RBFOX1: variants seen among roughly 807,000 people sequenced by gnomAD.
RBFOX1 encodes RNA binding protein fox-1 homolog 1.
In RBFOX1, 8 loss-of-function variants were observed where a neutral mutation model predicts 57.7. That is an observed-to-expected ratio of 0.14 (90% confidence interval 0.08 to 0.25). The LOEUF is 0.25. RBFOX1 is among the 10% of genes least tolerant of loss of function. The pLI, the probability that RBFOX1 is intolerant of heterozygous loss-of-function variation, is 1.00. For synonymous variants in RBFOX1, 326 were observed against 222.4 expected, an observed-to-expected ratio of 1.47 and a Z score of -4.15; for missense variants, 611 against 548.5, an observed-to-expected ratio of 1.11 and a Z score of -1.14.
intron 1 of RBFOX1, among the ~76,000 whole-genome samples, chr16:6,157,946 T>G (rs2096850106): frequency 6.6e-6 from 1 of 152,174 alleles, no homozygotes; most frequent in South Asian, 2.1e-4. Flanking sequence ...CATATGTTGA[T>G]TCCTAAACTA....
chr16:7,071,934 A>G (rs976699771), intron 4 of RBFOX1, among the ~76,000 whole-genome samples: 7 of 152,078 alleles, frequency 4.6e-5, no homozygotes, highest in Non-Finnish European at 1.0e-4. Context: ...CATCTTTTTC[A>G]GCTCTACCTT....
At chr16:7,230,052 A>AAGGGAGGGAGGGG in intron 4 of RBFOX1, among the ~76,000 whole-genome samples, 4 of 63,438 alleles carry the variant, frequency 6.3e-5, no homozygotes, top group South Asian at 9.0e-4. Flanking sequence ...GAGAGGAAGG[A>AAGGGAGGGAGGGG]AAGGAGAGAG....
intron 4 of RBFOX1, among the ~76,000 whole-genome samples, chr16:7,489,483 A>C (rs1310159557): frequency 6.6e-6 from 1 of 150,896 alleles, no homozygotes; most frequent in African/African-American, 2.4e-5. Context: ...GAGATTAAAA[A>C]ACTGAGGCTT....
At chr16:7,450,392 CAAAAAA>C (rs57188328) in intron 4 of RBFOX1, among the ~76,000 whole-genome samples, 1 of 69,578 alleles carries the variant, frequency 1.4e-5, no homozygotes, top group Non-Finnish European at 2.5e-5. Context: ...GACTCTGTCT[CAAAAAA>C]AAAAAAAAAA....
intron 3 of RBFOX1, among the ~76,000 whole-genome samples, chr16:5,840,431 G>C (rs1174345057): frequency 2.0e-5 from 3 of 152,194 alleles, no homozygotes; most frequent in African/African-American, 7.2e-5. Context: ...AGAGGATGCT[G>C]TGCTCTGCGG....
chr16:7,498,880 A>C (rs953406080), intron 4 of RBFOX1, among the ~76,000 whole-genome samples: 1 of 152,160 alleles, frequency 6.6e-6, no homozygotes, highest in African/African-American at 2.4e-5. Context: ...ATGCGCCCCA[A>C]CTTTCTCCTC....
intron 3 of RBFOX1, among the ~76,000 whole-genome samples, chr16:6,976,021 A>T (rs1266650480): frequency 6.6e-6 from 1 of 152,072 alleles, no homozygotes; most frequent in Non-Finnish European, 1.5e-5. Flanking sequence ...CAGCTATTTG[A>T]GAGGCTGAGG....
At chr16:7,270,323 A>T (rs1381452942) in intron 4 of RBFOX1, among the ~76,000 whole-genome samples, 1 of 152,196 alleles carries the variant, frequency 6.6e-6, no homozygotes, top group African/African-American at 2.4e-5. Context: ...TTTTATGAAA[A>T]ACCAAACAGA....
intron 4 of RBFOX1, among the ~76,000 whole-genome samples, chr16:7,088,693 A>C (rs572170344): frequency 5.1e-4 from 78 of 152,320 alleles, no homozygotes; most frequent in African/African-American, 1.8e-3. Context: ...TTTGGGAGAC[A>C]AATATATATC....
chr16:5,527,879 T>A (rs2044306060), intron 2 of RBFOX1, among the ~76,000 whole-genome samples: 1 of 152,176 alleles, frequency 6.6e-6, no homozygotes. Context: ...ATATTAGATA[T>A]CGGTTTAATT....
chr16:7,623,869 G>A (rs1005186927), intron 10 of RBFOX1, among the ~76,000 whole-genome samples: 3 of 152,088 alleles, frequency 2.0e-5, no homozygotes, highest in Non-Finnish European at 4.4e-5. Context: ...TGTAAGATCT[G>A]TCAGATTAAG....
At chr16:6,928,407 G>T (rs75651378) in intron 3 of RBFOX1, among the ~76,000 whole-genome samples, 5 of 152,252 alleles carry the variant, frequency 3.3e-5, no homozygotes, top group African/African-American at 9.6e-5. Flanking sequence ...AGCAGAGGTT[G>T]TTGTAGGATA....
rs545200913 is a variant in RBFOX1 at position 6,987,588 on chromosome 16, C to G, written c.-15-64469C>G. Among the ~76,000 whole-genome samples the G allele has an allele frequency of 3.3e-5, 5 of 152,130 alleles. No individual in the cohort carries two copies. In the East Asian group the frequency reaches 5.8e-4, roughly 18 times the overall value. ...GCATAGGTGGGCACAGGTGCACAAA[C>G]TTACCTGCAATCTCATTCATAAATG... On this transcript the variant is annotated intron_variant, in intron 3 of 15. Transcript: ENST00000550418.
At chr16:6,664,646 C>T (rs1482638631) in intron 3 of RBFOX1, among the ~76,000 whole-genome samples, 1 of 152,158 alleles carries the variant, frequency 6.6e-6, no homozygotes, top group Non-Finnish European at 1.5e-5. Context: ...GGGGACCAGG[C>T]AATAGCAGAG....
intron 3 of RBFOX1, among the ~76,000 whole-genome samples, chr16:5,655,101 G>A (rs1408593326): frequency 1.3e-5 from 2 of 152,158 alleles, no homozygotes; most frequent in Non-Finnish European, 2.9e-5. Flanking sequence ...CTAAGAGCAG[G>A]GCTGACAGAT....
intron 4 of RBFOX1, among the ~76,000 whole-genome samples, chr16:7,450,359 A>T (rs961799403): frequency 3.7e-4 from 48 of 128,050 alleles, no homozygotes; most frequent in African/African-American, 1.3e-3. Flanking sequence ...GCGCCATTGC[A>T]CTCCAGCCTG....
intron 4 of RBFOX1, among the ~76,000 whole-genome samples, chr16:7,272,741 G>A (rs1266797514): frequency 1.3e-5 from 2 of 152,068 alleles, no homozygotes; most frequent in Non-Finnish European, 2.9e-5. Flanking sequence ...GAGAGCTCCT[G>A]AAGCTCCTGA....
At chr16:5,675,128 A>G (rs1009340525) in intron 3 of RBFOX1, among the ~76,000 whole-genome samples, 2 of 152,138 alleles carry the variant, frequency 1.3e-5, no homozygotes, top group Non-Finnish European at 2.9e-5. Context: ...AGCCTGGGCA[A>G]AAGATAGAGA....
In RBFOX1 at chr16:7,455,837, A is replaced by G. The variant is rs192580696; in HGVS notation, c.28-62310A>G. ...AAAAAAAAAACTGATTCACATTTCA[A>G]TCAATGATAGTCACTGACATTGAAA... On this transcript the variant is annotated intron_variant, in intron 4 of 15. Transcript: ENST00000550418. Among the ~76,000 whole-genome samples, 590 of 152,184 alleles carry G rather than the reference A, an allele frequency of 3.9e-3. 23 individuals are homozygous for G. Among genetic ancestry groups the G allele is most frequent in the Admixed American group, 0.036 (551 of 15,276 alleles).
Sources: gnomAD v4.1 joint callset for allele counts (sites outside exome capture counted in the v4.1 genomes callset) on GRCh38, gnomAD v4.1.1 for gene constraint, MANE v1.5 for transcripts, NCBI Gene and HGNC (gene_info 2026-07-23, HGNC 2026-07-21) for gene names.